The following TMC7 variants were observed in gnomAD, a reference collection of about 807,000 sequenced individuals.
TMC7 encodes transmembrane channel-like protein 7.
A neutral mutation model predicts 82.9 loss-of-function variants in TMC7; 54 were observed. The ratio of observed to expected loss-of-function variants is 0.65; its 90% CI spans 0.52 to 0.82. The LOEUF is 0.82. TMC7 is among the 40% of genes least tolerant of loss of function. The probability of loss-of-function intolerance (pLI) is 0.00; values close to 1 mark genes in which losing one functional copy is unlikely to be tolerated. For synonymous variants in TMC7, 350 were observed against 337.9 expected (o/e 1.04, Z -0.39); for missense variants, 820 against 901.2 (o/e 0.91, Z 1.15).
At chr16:19,009,833 C>G (rs2039305693) in intron 2 of TMC7, among the ~76,000 whole-genome samples, 1 of 149,928 alleles carries the variant, frequency 6.7e-6, no homozygotes, top group South Asian at 2.1e-4. Context: ...CCCAGCTACT[C>G]TGGAGGCTGA....
intron 9 of TMC7, among the ~76,000 whole-genome samples, chr16:19,044,359 T>C (rs951418718): frequency 3.1e-4 from 47 of 152,018 alleles, no homozygotes; most frequent in Admixed American, 2.2e-3. Context: ...ATTTTTATTT[T>C]TTTGTAGAGA....
chr16:19,056,835 GCAT>G, intron 14 of TMC7, 138 bp downstream of exon 14: 5 of 1,015,854 alleles, frequency 4.9e-6, no homozygotes, highest in Non-Finnish European at 7.1e-6. Context: ...TCTAAAATGG[GCAT>G]AATAGGCCAG....
chr16:18,984,135 G>C lies in TMC7; in HGVS notation c.67+5G>C. The C allele has an allele frequency of 6.7e-7, 1 of 1,495,198 alleles. No individual in the cohort carries two copies. The highest frequency in any genetic ancestry group is 8.8e-7 in the Non-Finnish European group (1 of 1,130,100). The allele number at this position is 1,495,198 out of a possible 1,614,324, so 92.6% of individuals were successfully genotyped here. A position where few individuals can be genotyped will look rare whatever the true frequency, so the allele number is the denominator to read the frequency against. On this transcript the variant is annotated splice_donor_5th_base_variant and intron_variant, in intron 1 of 15. Coordinates refer to ENST00000304381, the MANE Select transcript of TMC7 (RefSeq NM_024847.4). ...GGCAGCCGGCGGTCCATCCAGGTAG[G>C]GCGGCAGGGAGCGCGCGCGGGGACG...
intron 1 of TMC7, among the ~76,000 whole-genome samples, chr16:18,995,651 T>G (rs942865852): frequency 6.6e-6 from 1 of 152,190 alleles, no homozygotes; most frequent in Admixed American, 6.5e-5. Context: ...TCAGACGTTT[T>G]GAAGTTCTTG....
chr16:19,021,648 T>C lies in TMC7; in HGVS notation c.480T>C (p.Ile160=). 3 of 1,614,166 alleles carry C rather than the reference T, an allele frequency of 1.9e-6. No homozygotes were observed. Among genetic ancestry groups the C allele is most frequent in the Non-Finnish European group, 2.5e-6 (3 of 1,180,024 alleles). Residue 160 remains isoleucine, a synonymous_variant, in exon 4 of 16, where the codon ATT becomes ATC. Coordinates refer to ENST00000304381, the MANE Select transcript of TMC7 (RefSeq NM_024847.4). The stretch of plus-strand genomic sequence containing the variant: ...TTCCAGGGAAATTTGGCACTGGGAT[T>C]CAGTCCTATTTCTCCTTCTTGAGAT... ...RSIEGKFGTG[I]QSYFSFLRFL...
At chr16:19,029,338 T>G (rs1043612563) in intron 5 of TMC7, among the ~76,000 whole-genome samples, 1 of 152,138 alleles carries the variant, frequency 6.6e-6, no homozygotes, top group Non-Finnish European at 1.5e-5. Flanking sequence ...AATTTAGTCC[T>G]AATGTTTTAT....
chr16:18,994,636 A>G (rs975317652), intron 1 of TMC7, among the ~76,000 whole-genome samples: 3 of 151,832 alleles, frequency 2.0e-5, no homozygotes, highest in African/African-American at 7.3e-5. Context: ...TCTAGAACAG[A>G]ATGGGTTGTG....
chr16:18,988,924 C>T (rs2038900866), intron 1 of TMC7, among the ~76,000 whole-genome samples: 1 of 152,046 alleles, frequency 6.6e-6, no homozygotes, highest in African/African-American at 2.4e-5. Context: ...GTGGCACATG[C>T]CTGTAGTCCC....
chr16:18,993,369 G>A (rs2038984634), intron 1 of TMC7, among the ~76,000 whole-genome samples: 1 of 152,156 alleles, frequency 6.6e-6, no homozygotes, highest in East Asian at 1.9e-4. Flanking sequence ...CATGGAAGAA[G>A]TTATGAAATG....
chr16:19,048,514 C>T (rs993748186), intron 12 of TMC7, among the ~76,000 whole-genome samples: 7 of 152,096 alleles, frequency 4.6e-5, no homozygotes, highest in Non-Finnish European at 7.4e-5. Context: ...CTCCACCTCC[C>T]GGGTTCAAGT....
At chr16:18,995,853 G>A (rs1476346355) in intron 1 of TMC7, among the ~76,000 whole-genome samples, 1 of 152,148 alleles carries the variant, frequency 6.6e-6, no homozygotes, top group African/African-American at 2.4e-5. Flanking sequence ...AGTGGACTGG[G>A]TAATAAAGTG....
intron 1 of TMC7, among the ~76,000 whole-genome samples, chr16:18,996,967 T>C (rs7204116): frequency 0.044 from 6,708 of 152,274 alleles, 459 homozygotes; most frequent in African/African-American, 0.15. Flanking sequence ...CTTTTGTCTC[T>C]ATTAGAGAGG....
chr16:18,991,400 C>T lies in TMC7; in HGVS notation c.67+7270C>T, dbSNP rs1283835203. ...TTTGCTTGGTTGGCAAGTTTTTGGG[C>T]TCTATCCTTGAGTTTTTTTATGTTG... is the stretch of plus-strand genomic sequence containing the variant. On this transcript the variant is annotated intron_variant, in intron 1 of 15. Transcript: ENST00000304381. Among the ~76,000 whole-genome samples, 3 of 152,170 alleles carry T rather than the reference C, an allele frequency of 2.0e-5. No homozygotes were observed. In the East Asian group the frequency reaches 5.8e-4, roughly 29 times the overall value.
chr16:19,060,228 G>A (rs772664012), intron 15 of TMC7, among the ~76,000 whole-genome samples: 8 of 152,064 alleles, frequency 5.3e-5, no homozygotes, highest in Non-Finnish European at 8.8e-5. Flanking sequence ...TATTCAGGAC[G>A]GGGTCTCACT....
intron 2 of TMC7, among the ~76,000 whole-genome samples, chr16:19,009,796 C>T (rs913754841): frequency 2.9e-4 from 44 of 151,746 alleles, no homozygotes; most frequent in African/African-American, 1.0e-3. Flanking sequence ...AAAAAATTAG[C>T]TGGGCATGGT....
At chr16:18,995,294 G>C (rs1369956238) in intron 1 of TMC7, among the ~76,000 whole-genome samples, 1 of 152,134 alleles carries the variant, frequency 6.6e-6, no homozygotes, top group Non-Finnish European at 1.5e-5. Context: ...CCTCCGTATT[G>C]ATTAAGAAGG....
intron 1 of TMC7, among the ~76,000 whole-genome samples, chr16:19,005,659 T>G (rs1596732170): frequency 6.6e-6 from 1 of 152,320 alleles, no homozygotes; most frequent in African/African-American, 2.4e-5. Context: ...TGTTGAATAT[T>G]CAGTAGGTCC....
In TMC7 at chr16:19,051,798, T is replaced by A. The variant is rs780783376; in HGVS notation, c.1853T>A (p.Leu618Gln). The A allele has an allele frequency of 6.2e-6, 10 of 1,614,198 alleles. No individual in the cohort carries two copies. The highest frequency in any genetic ancestry group is 8.5e-6 in the Non-Finnish European group (10 of 1,180,042). ...LIGLCLAIIP[L>Q]TISISRIPSS... ...GGGCTGTGTTTGGCAATAATACCTC[T>A]GACAATCAGCATATCACGGTAAATG... Residue 618 changes from leucine (L) to glutamine (Q), a missense_variant, in exon 13 of 16, where the codon CTG (leucine) becomes CAG (glutamine). Leu to Gln is a moderately radical substitution (Grantham distance 113). Transcript: ENST00000304381.
At chr16:19,047,289 AT>A (rs766384732) in intron 12 of TMC7, 40 bp downstream of exon 12, 140 of 1,584,032 alleles carry the variant, frequency 8.8e-5, no homozygotes, top group Non-Finnish European at 1.1e-4. Context: ...ATACTGGGCC[AT>A]TTTCGACCTT....
Sources: gnomAD v4.1 joint callset for allele counts (sites outside exome capture counted in the v4.1 genomes callset) on GRCh38, gnomAD v4.1.1 for gene constraint, MANE v1.5 for transcripts, NCBI Gene and HGNC (gene_info 2026-07-23, HGNC 2026-07-21) for gene names.